Variants in DRC3 observed in about 807,000 individuals in gnomAD.
DRC3 encodes the protein leucine rich repeat containing 48.
In DRC3, 45 loss-of-function variants were observed where a neutral mutation model predicts 57.6. That is an observed-to-expected ratio of 0.78 (90% CI 0.62 to 1.00). The LOEUF is 1.00. Among genes scored for constraint, DRC3 ranks in the 50% least tolerant of loss-of-function variants. DRC3 has a pLI of 0.00. For synonymous variants in DRC3, 257 were observed against 272.3 expected (o/e 0.94, Z 0.55); for missense variants, 655 against 675.2 (o/e 0.97, Z 0.33).
At chr17:18,011,703 C>G (rs2044174045) in intron 12 of DRC3, 1 of 208,728 alleles carries the variant, frequency 4.8e-6, no homozygotes, top group African/African-American at 2.3e-5. Context: ...GCTACCTGCC[C>G]CCTGACCTCT....
chr17:18,003,473 GACT>G (rs1393685035), intron 9 of DRC3, among the ~76,000 whole-genome samples: 4 of 99,092 alleles, frequency 4.0e-5, no homozygotes, highest in Non-Finnish European at 7.5e-5. Context: ...GACAGAGTGA[GACT>G]ACGTCTTTAA....
At chr17:17,994,724 C>A (rs888558454) in intron 7 of DRC3, among the ~76,000 whole-genome samples, 1 of 152,198 alleles carries the variant, frequency 6.6e-6, no homozygotes. Context: ...CCATGACATG[C>A]CAGGAACGGC....
At chr17:18,015,600 A>T in intron 12 of DRC3, 2 of 156,514 alleles carry the variant, frequency 1.3e-5, no homozygotes, top group Admixed American at 6.2e-5. Context: ...TGGAGAGACA[A>T]CTGTGGGGTG....
intron 4 of DRC3, among the ~76,000 whole-genome samples, chr17:17,984,871 G>A (rs1369597045): frequency 1.3e-5 from 2 of 152,050 alleles, no homozygotes; most frequent in Admixed American, 6.6e-5. Context: ...GCTGACAATT[G>A]CAAGCCCATA....
chr17:17,994,885 C>A, intron 7 of DRC3, 114 bp from the exon 8 acceptor site: 1 of 704,962 alleles, frequency 1.4e-6, no homozygotes, highest in Non-Finnish European at 2.6e-6. Flanking sequence ...CTGCACATGC[C>A]ATTCTCTTTG....
chr17:18,003,902 C>T (rs2145408946), intron 9 of DRC3, among the ~76,000 whole-genome samples: 1 of 151,790 alleles, frequency 6.6e-6, no homozygotes, highest in South Asian at 2.1e-4. Context: ...CCACCCACCT[C>T]GGCCTCCCAA....
chr17:18,003,791 C>T (rs1157062267), intron 9 of DRC3, among the ~76,000 whole-genome samples: 1 of 147,524 alleles, frequency 6.8e-6, no homozygotes, highest in African/African-American at 2.5e-5. Flanking sequence ...TACAGGCACC[C>T]GCCACCATGC....
At chr17:17,992,987 A>G in intron 6 of DRC3, 76 bp downstream of exon 6, 2 of 1,524,714 alleles carry the variant, frequency 1.3e-6, no homozygotes, top group Non-Finnish European at 9.0e-7. Context: ...GAAAAGGGGC[A>G]TTGAAGAGTA....
At chr17:18,007,327 T>C (rs1440796219) in intron 12 of DRC3, 180 bp downstream of exon 12, 20 of 1,455,260 alleles carry the variant, frequency 1.4e-5, no homozygotes, top group East Asian at 2.5e-5. Context: ...ACAAAGCACC[T>C]GGTGGGGCAC....
intron 10 of DRC3, chr17:18,005,391 A>T (rs1162243962): frequency 6.6e-6 from 1 of 152,274 alleles, no homozygotes; most frequent in East Asian, 1.9e-4. Context: ...CAGTACTCAC[A>T]TTCCTATAGA....
intron 13 of DRC3, 106 bp downstream of exon 13, chr17:18,016,301 G>C: frequency 8.0e-7 from 1 of 1,251,742 alleles, no homozygotes; most frequent in Non-Finnish European, 1.1e-6. Context: ...ATGAAATGAA[G>C]GAAGAAATAA....
chr17:18,015,168 T>C (rs548562237), intron 12 of DRC3: 71 of 152,380 alleles, frequency 4.7e-4, no homozygotes, highest in African/African-American at 1.5e-3. Context: ...TTCCCAAATG[T>C]ATTTGACCAA....
intron 4 of DRC3, among the ~76,000 whole-genome samples, chr17:17,985,220 C>T (rs1310392907): frequency 6.6e-6 from 1 of 152,204 alleles, no homozygotes. Flanking sequence ...GGTTCCCTCC[C>T]TAACAGAAGC....
rs117811558 is a variant in DRC3 at position 17,988,608 on chromosome 17, G to A, written c.444+510G>A. ...GGACACAGCTGGGGGTGTGGCAGCA[G>A]CTTTAAGCTGCCACAGCTGTCGTCC... is the stretch of plus-strand genomic sequence containing the variant. On this transcript the variant is annotated intron_variant, in intron 5 of 13. Coordinates refer to ENST00000399187, the MANE Select transcript of DRC3 (RefSeq NM_031294.4). 803 of 153,602 alleles carry A rather than the reference G, an allele frequency of 5.2e-3. 5 individuals are homozygous for A. Among genetic ancestry groups the A allele is most frequent in the East Asian group, 0.031 (161 of 5,184 alleles). The allele number at this position is 153,602 out of a possible 1,614,324, so 9.5% of individuals were successfully genotyped here.
rs141386895 is a variant in DRC3 at position 18,010,178 on chromosome 17, C to G, written c.1326+3031C>G. 3.2e-3 allele frequency among the ~76,000 whole-genome samples: 494 copies of G among 152,350 alleles called. 3 individuals are homozygous for G. The highest frequency in any genetic ancestry group is 9.5e-3 in the South Asian group (46 of 4,824). On this transcript the variant is annotated intron_variant, in intron 12 of 13. Transcript: ENST00000399187. ...GACTGCCACAAGATTCTGGCTGGCA[C>G]CAGGAGACTCCGCGTTGGCTTGTCC...
At chr17:18,000,097 TGTGTGTGTGA>T (rs1187043165) in intron 9 of DRC3, among the ~76,000 whole-genome samples, 348 of 151,578 alleles carry the variant, frequency 2.3e-3, no homozygotes, top group Middle Eastern at 0.014. Context: ...TGTGTGTGTG[TGTGTGTGTGA>T]GCATAGCATG....
rs1378595781 is a variant in DRC3 at position 18,004,738 on chromosome 17, TG to T, written c.1131+246del. The T allele has an allele frequency of 6.4e-6, 3 of 469,802 alleles. No homozygotes were observed. The Admixed American group carries it at 1.1e-4, about 17-fold the overall frequency. The allele number at this position is 469,802 out of a possible 1,614,324, so 29.1% of individuals were successfully genotyped here. A position where few individuals can be genotyped will look rare whatever the true frequency, so the allele number is the denominator to read the frequency against. Reference sequence around the variant, plus strand: ...TTCTTCTGAAATGGTCCCCCTATCCTGGAAGTCAGTGGGGAGAGGTTTTTGA... The same window carrying T: ...TTCTTCTGAAATGGTCCCCCTATCCTGAAGTCAGTGGGGAGAGGTTTTTGA... On this transcript the variant is annotated intron_variant, in intron 10 of 13. Coordinates refer to ENST00000399187, the MANE Select transcript of DRC3 (RefSeq NM_031294.4).
chr17:17,999,100 G>A (rs2043582716), intron 9 of DRC3, among the ~76,000 whole-genome samples: 2 of 152,144 alleles, frequency 1.3e-5, no homozygotes, highest in Non-Finnish European at 2.9e-5. Context: ...CTCTTCCTGA[G>A]GCCTGGTGCA....
chr17:17,987,532 A>G (rs1597575961), intron 4 of DRC3, among the ~76,000 whole-genome samples: 1 of 152,172 alleles, frequency 6.6e-6, no homozygotes, highest in South Asian at 2.1e-4. Flanking sequence ...GGTAAATGCA[A>G]AGCACACAGG....
Sources: allele counts gnomAD v4.1 joint callset (sites outside exome capture counted in the v4.1 genomes callset), GRCh38; gene constraint gnomAD v4.1.1; transcripts MANE v1.5; gene names NCBI Gene and HGNC (gene_info 2026-07-23, HGNC 2026-07-21).